Variants in AHCTF1 observed in about 807,000 individuals in gnomAD.
AHCTF1 encodes AT-hook containing transcription factor 1, also known as protein ELYS.
A neutral mutation model predicts 248.4 loss-of-function variants in AHCTF1; 24 were observed. The observed-to-expected ratio is 0.10, with a 90% CI of 0.07 to 0.14. The LOEUF (loss-of-function observed/expected upper bound fraction) is 0.14. AHCTF1 is among the 10% of genes least tolerant of loss of function. The probability of loss-of-function intolerance (pLI) is 1.00; values close to 1 mark genes in which losing one functional copy is unlikely to be tolerated. For missense variants in AHCTF1, 2,206 were observed against 2,636.2 expected (o/e 0.84, Z 3.57); for synonymous variants, 786 against 929.8 (o/e 0.85, Z 2.81).
chr1:246,931,317 T>G, intron 1 of AHCTF1: 1 of 1,545,844 alleles, frequency 6.5e-7, no homozygotes, highest in Non-Finnish European at 8.7e-7. Flanking sequence ...CCAGCGCCGC[T>G]CCGCCGCCAT....
chr1:246,868,839 GTTTT>G (rs1190228138), intron 24 of AHCTF1, among the ~76,000 whole-genome samples: 2 of 113,778 alleles, frequency 1.8e-5, no homozygotes, highest in East Asian at 2.5e-4. Flanking sequence ...TTGTGTGTGT[GTTTT>G]TTGTTTTTTT....
intron 26 of AHCTF1, 69 bp downstream of exon 26, chr1:246,867,175 T>C: frequency 1.3e-6 from 1 of 762,844 alleles, no homozygotes; most frequent in East Asian, 2.8e-5. Flanking sequence ...ATGTTAAAGA[T>C]AATTAAAAAT....
chr1:246,885,846 T>C (rs115548322), intron 20 of AHCTF1, among the ~76,000 whole-genome samples, 166 bp from the exon 21 acceptor site: 3,730 of 152,276 alleles, frequency 0.024, 172 homozygotes, highest in African/African-American at 0.084. Flanking sequence ...TCTCAGTATC[T>C]ACAGGATCCA....
chr1:246,907,661 T>C lies in AHCTF1; in HGVS notation c.654A>G (p.Pro218=). The C allele has an allele frequency of 1.2e-6, 2 of 1,613,926 alleles. No individual in the cohort carries two copies. The highest frequency in any genetic ancestry group is 3.3e-4 in the Middle Eastern group (2 of 6,028). Residue 218 remains proline (P), a synonymous_variant, in exon 5 of 36, where the codon CCA becomes CCG. Coordinates refer to ENST00000648844, the MANE Select transcript of AHCTF1 (RefSeq NM_001323342.2). ...TAAGAGTTGAAACAGCTGTTCCTGTTGGACTTACTAACTGGAAACACAGAT... is the reference window on the plus strand; with the variant it reads ...TAAGAGTTGAAACAGCTGTTCCTGTCGGACTTACTAACTGGAAACACAGAT... ...GRHLCFQLVS[P]TGTAVSTLSY...
At position 246,855,827 on chromosome 1, in the gene AHCTF1, C is replaced by T. The variant is rs1339728844; in HGVS notation, c.4257G>A (p.Gly1419=). The part of the protein sequence containing the change: ...ASLCAPSVYE[G]KIFTQKSKVP... Reference sequence around the variant, plus strand: ...CCTTGGACTTCTGGGTGAAGATTTTCCTTTAGAAAAAGAAATACATACCTT... The same window carrying T: ...CCTTGGACTTCTGGGTGAAGATTTTTCTTTAGAAAAAGAAATACATACCTT... Residue 1419 remains glycine (G), a splice_region_variant and synonymous_variant, in exon 31 of 36, where the codon GGG becomes GGA. Coordinates refer to ENST00000648844, the MANE Select transcript of AHCTF1 (RefSeq NM_001323342.2). 4.3e-6 allele frequency: 7 copies of T among 1,611,386 alleles called. No homozygotes were observed. Among genetic ancestry groups the T allele is most frequent in the Non-Finnish European group, 5.9e-6 (7 of 1,178,658 alleles).
At chr1:246,856,070 G>A (rs987225125) in intron 30 of AHCTF1, among the ~76,000 whole-genome samples, 2 of 152,162 alleles carry the variant, frequency 1.3e-5, no homozygotes, top group Non-Finnish European at 2.9e-5. Context: ...TGGCCTTAAA[G>A]TAGAAATGAA....
At chr1:246,930,589 A>G (rs1667276108) in intron 1 of AHCTF1, among the ~76,000 whole-genome samples, 1 of 142,724 alleles carries the variant, frequency 7.0e-6, no homozygotes, top group African/African-American at 2.5e-5. Flanking sequence ...AACAGTTTAA[A>G]AAAAAAAAAG....
chr1:246,872,068 A>G (rs1241139817), intron 24 of AHCTF1, among the ~76,000 whole-genome samples: 1 of 151,054 alleles, frequency 6.6e-6, no homozygotes, highest in Non-Finnish European at 1.5e-5. Flanking sequence ...AAAAAAAAAA[A>G]AAGAACCTAG....
intron 33 of AHCTF1, among the ~76,000 whole-genome samples, chr1:246,845,557 C>A (rs1660198184): frequency 6.6e-6 from 1 of 152,152 alleles, no homozygotes; most frequent in Non-Finnish European, 1.5e-5. Flanking sequence ...CCTGAAAAAA[C>A]GATTTATTTC....
At position 246,860,929 on chromosome 1, in the gene AHCTF1, C is replaced by A. The variant is rs758135670; in HGVS notation, c.4102G>T (p.Val1368Leu). ...DGDKDVFASEVTPSDLQKQMG... is the reference protein window; with the variant it reads ...DGDKDVFASELTPSDLQKQMG... Reference sequence around the variant, plus strand: ...TGTTTCTGTAGGTCTGAAGGAGTTACTTCTGATGCAAATACATCTTTATCT... The same window carrying A: ...TGTTTCTGTAGGTCTGAAGGAGTTAATTCTGATGCAAATACATCTTTATCT... Residue 1368 changes from valine (V) to leucine (L), a missense_variant, in exon 29 of 36, where the codon GTA becomes TTA. Physicochemically the swap from Val to Leu is conservative, Grantham distance 32. Transcript: ENST00000648844. 1.5e-5 allele frequency: 24 copies of A among 1,611,698 alleles called. No homozygotes were observed. The highest frequency in any genetic ancestry group is 2.0e-5 in the Non-Finnish European group (23 of 1,178,046).
At chr1:246,889,840 G>A (rs966799988) in intron 17 of AHCTF1, 126 bp downstream of exon 17, 2 of 619,612 alleles carry the variant, frequency 3.2e-6, no homozygotes, top group African/African-American at 1.9e-5. Flanking sequence ...AAATAGTAAT[G>A]GTAATAGCAA....
rs1661069819 is a variant in AHCTF1, at chr1:246,855,776, T to C, written c.4308A>G (p.Thr1436=). ...TTGCAGGGGTGTAGGTTTCAACAGATGTTAATCCTTCGTCCAACACTGGTA... is the reference window on the plus strand; with the variant it reads ...TTGCAGGGGTGTAGGTTTCAACAGACGTTAATCCTTCGTCCAACACTGGTA... The part of the protein sequence containing the change: ...SKVPVLDEGL[T]SVETYTPAIR... Residue 1436 remains threonine, a synonymous_variant, in exon 31 of 36, where the codon ACA becomes ACG. Transcript: ENST00000648844. 1 of 1,613,640 alleles carries C rather than the reference T, an allele frequency of 6.2e-7. No homozygotes were observed. Among genetic ancestry groups the C allele is most frequent in the Non-Finnish European group, 8.5e-7 (1 of 1,179,770 alleles).
chr1:246,900,311 GGA>G (rs2103169994), intron 9 of AHCTF1, 24 bp downstream of exon 9: 2 of 1,581,802 alleles, frequency 1.3e-6, no homozygotes, highest in Middle Eastern at 1.7e-4. Flanking sequence ...CAAAGAGAAA[GGA>G]GAGAGAAAAA....
chr1:246,888,278 A>G, intron 18 of AHCTF1, 45 bp from the exon 19 acceptor site: 1 of 1,609,004 alleles, frequency 6.2e-7, no homozygotes, highest in East Asian at 2.2e-5. Flanking sequence ...TTATACAGTC[A>G]TTCATTCATT....
chr1:246,862,460 A>C (rs1661637526), intron 27 of AHCTF1, among the ~76,000 whole-genome samples: 1 of 151,850 alleles, frequency 6.6e-6, no homozygotes, highest in African/African-American at 2.4e-5. Context: ...AGCCTGGGCG[A>C]CAGAGCAAGA....
chr1:246,841,084 T>C (rs962805874), intron 35 of AHCTF1, 86 bp from the exon 36 acceptor site: 4 of 1,173,850 alleles, frequency 3.4e-6, no homozygotes, highest in East Asian at 5.2e-5. Context: ...AGAAAAACCT[T>C]AGGGACTGCT....
chr1:246,911,411 A>C (rs946909154), intron 4 of AHCTF1, among the ~76,000 whole-genome samples: 2 of 151,966 alleles, frequency 1.3e-5, no homozygotes, highest in African/African-American at 4.8e-5. Flanking sequence ...TTCACATAAA[A>C]ATTTTATTAA....
At chr1:246,844,039 C>A in intron 33 of AHCTF1, 111 bp from the exon 34 acceptor site, 1 of 757,092 alleles carries the variant, frequency 1.3e-6, no homozygotes, top group East Asian at 3.6e-5. Context: ...CAAACGTCCC[C>A]AAACCTGGAA....
intron 12 of AHCTF1, among the ~76,000 whole-genome samples, chr1:246,896,307 A>G (rs943710550): frequency 2.0e-5 from 3 of 152,248 alleles, no homozygotes; most frequent in East Asian, 3.8e-4. Context: ...TAAAGTGGAA[A>G]CAACACAAAT....
Sources: allele counts gnomAD v4.1 joint callset (sites outside exome capture counted in the v4.1 genomes callset), GRCh38; gene constraint gnomAD v4.1.1; transcripts MANE v1.5; gene names NCBI Gene and HGNC (gene_info 2026-07-23, HGNC 2026-07-21).